TYW1B: variants seen among roughly 807,000 people sequenced by gnomAD.
TYW1B encodes tRNA-yW synthesizing protein 1 homolog B.
TYW1B carries 73 observed loss-of-function variants against 86.9 expected under a neutral mutation model. The ratio of observed to expected loss-of-function variants is 0.84; its 90% CI spans 0.70 to 1.02. The LOEUF (loss-of-function observed/expected upper bound fraction) is 1.02. Among genes scored for constraint, TYW1B ranks in the 50% least tolerant of loss-of-function variants. The pLI, the probability that TYW1B is intolerant of heterozygous loss-of-function variation, is 0.00. For missense variants in TYW1B, 637 were observed against 827.4 expected (o/e 0.77, Z 2.82); for synonymous variants, 248 against 292.8 (o/e 0.85, Z 1.56).
chr7:72,792,416 A>C (rs1788236365), intron 6 of TYW1B, among the ~76,000 whole-genome samples: 1 of 152,124 alleles, frequency 6.6e-6, no homozygotes, highest in Non-Finnish European at 1.5e-5. Context: ...ATCCAATCTC[A>C]CTCAAAATTT....
rs1303713590 is a variant in TYW1B at position 72,606,925 on chromosome 7, T to C, written c.1785+9747A>G. Among the ~76,000 whole-genome samples the C allele has an allele frequency of 4.8e-4, 73 of 151,722 alleles. 1 individual carries two copies. Among genetic ancestry groups the C allele is most frequent in the South Asian group, 2.5e-3 (12 of 4,770 alleles). The stretch of plus-strand genomic sequence containing the variant: ...ATCCAGAGTCTCCTAACATAACACC[T>C]AAAATGTCTGAGAAACAACTGAAAA... On this transcript the variant is annotated intron_variant, in intron 13 of 13. Transcript: ENST00000620995.
At chr7:72,826,429 G>A (rs1192642677) in intron 2 of TYW1B, among the ~76,000 whole-genome samples, 2 of 152,080 alleles carry the variant, frequency 1.3e-5, no homozygotes, top group Non-Finnish European at 2.9e-5. Context: ...TTAATAGGCA[G>A]GACCCACATT....
intron 4 of TYW1B, among the ~76,000 whole-genome samples, chr7:72,808,195 A>G (rs1202629731): frequency 6.6e-6 from 1 of 152,188 alleles, no homozygotes; most frequent in African/African-American, 2.4e-5. Context: ...GCTCACGCCT[A>G]TAATTCCAGC....
At chr7:72,699,147 C>T (rs1198675537) in intron 10 of TYW1B, among the ~76,000 whole-genome samples, 2 of 152,116 alleles carry the variant, frequency 1.3e-5, no homozygotes, top group South Asian at 2.1e-4. Context: ...ATACAAAAGA[C>T]GTAACAAGGT....
chr7:72,663,596 AAT>A (rs1297401626), intron 11 of TYW1B, among the ~76,000 whole-genome samples: 1 of 151,062 alleles, frequency 6.6e-6, no homozygotes, highest in Non-Finnish European at 1.5e-5. Context: ...GTCTTTACTA[AAT>A]ATATATATAT....
At chr7:72,600,934 T>C (rs763590293) in intron 13 of TYW1B, among the ~76,000 whole-genome samples, 7 of 151,576 alleles carry the variant, frequency 4.6e-5, no homozygotes, top group African/African-American at 9.7e-5. Context: ...GGAGGGCGAA[T>C]CACCTGAGGT....
chr7:72,674,602 C>T (rs1407149906), intron 11 of TYW1B, among the ~76,000 whole-genome samples: 6 of 152,074 alleles, frequency 3.9e-5, no homozygotes, highest in African/African-American at 1.4e-4. Context: ...CCTCCCAGAG[C>T]CTTGTTTAAA....
At chr7:72,716,668 T>C (rs1786792083) in intron 9 of TYW1B, among the ~76,000 whole-genome samples, 1 of 151,818 alleles carries the variant, frequency 6.6e-6, no homozygotes, top group Admixed American at 6.6e-5. Context: ...AGACAGAGTC[T>C]CGCCCTGTTG....
At chr7:72,643,599 G>GA (rs1164566096) in intron 11 of TYW1B, among the ~76,000 whole-genome samples, 42 of 144,728 alleles carry the variant, frequency 2.9e-4, no homozygotes, top group East Asian at 6.0e-4. Flanking sequence ...AAGAAAAAAA[G>GA]AAAAAAAAAA....
intron 13 of TYW1B, among the ~76,000 whole-genome samples, chr7:72,578,384 G>A (rs2129567527): frequency 6.6e-6 from 1 of 152,230 alleles, no homozygotes; most frequent in South Asian, 2.1e-4. Context: ...CAAAGTGCTG[G>A]GATAACAGGC....
chr7:72,800,593 AT>A (rs1788387277), intron 6 of TYW1B, among the ~76,000 whole-genome samples: 1 of 151,286 alleles, frequency 6.6e-6, no homozygotes, highest in African/African-American at 2.4e-5. Flanking sequence ...TTAGAATTTT[AT>A]TCTGTTGCAA....
chr7:72,581,957 T>C (rs1251867466), intron 13 of TYW1B, among the ~76,000 whole-genome samples: 1 of 151,970 alleles, frequency 6.6e-6, no homozygotes, highest in Non-Finnish European at 1.5e-5. Flanking sequence ...TTAGTAGAGA[T>C]GGGGTTTCAC....
chr7:72,611,650 G>A (rs1481276354), intron 13 of TYW1B, among the ~76,000 whole-genome samples: 9 of 152,078 alleles, frequency 5.9e-5, no homozygotes, highest in Middle Eastern at 3.2e-3. Context: ...TATCAGCAGC[G>A]TGAAAACGGA....
intron 11 of TYW1B, among the ~76,000 whole-genome samples, chr7:72,632,222 G>T (rs373921028): frequency 7.1e-6 from 1 of 140,558 alleles, no homozygotes; most frequent in East Asian, 2.1e-4. Context: ...TCGTACCAAC[G>T]CACTCCAGCC....
intron 9 of TYW1B, among the ~76,000 whole-genome samples, chr7:72,721,467 T>C (rs1786900220): frequency 6.6e-6 from 1 of 152,188 alleles, no homozygotes; most frequent in Admixed American, 6.6e-5. Flanking sequence ...TATCTTATTG[T>C]GGTTTTGATT....
chr7:72,740,125 C>A (rs1268090974), intron 8 of TYW1B, among the ~76,000 whole-genome samples: 2 of 151,344 alleles, frequency 1.3e-5, no homozygotes, highest in African/African-American at 4.9e-5. Flanking sequence ...CCCAGCTACT[C>A]AGGAGGCTGA....
intron 6 of TYW1B, among the ~76,000 whole-genome samples, chr7:72,801,890 C>T (rs1196596897): frequency 1.2e-4 from 18 of 152,150 alleles, no homozygotes; most frequent in Non-Finnish European, 2.4e-4. Flanking sequence ...CTTGGAATCT[C>T]AACCATAATA....
intron 7 of TYW1B, among the ~76,000 whole-genome samples, chr7:72,774,900 C>G (rs1787929757): frequency 6.6e-6 from 1 of 152,024 alleles, no homozygotes; most frequent in African/African-American, 2.4e-5. Flanking sequence ...AAGACATTAG[C>G]AGATTAGGAC....
chr7:72,706,254 C>A (rs561194528), intron 10 of TYW1B, among the ~76,000 whole-genome samples: 2 of 151,968 alleles, frequency 1.3e-5, no homozygotes, highest in South Asian at 4.2e-4. Context: ...CATGGAGAAA[C>A]CCGTCTCTAC....
Sources: gnomAD v4.1 joint callset for allele counts (sites outside exome capture counted in the v4.1 genomes callset) on GRCh38, gnomAD v4.1.1 for gene constraint, MANE v1.5 for transcripts, NCBI Gene and HGNC (gene_info 2026-07-23, HGNC 2026-07-21) for gene names.